Variants in TBXAS1 observed in about 807,000 individuals in gnomAD.
TBXAS1 encodes the protein thromboxane A synthase 1, also known as thromboxane-A synthase.
Under a neutral mutation model 60.7 loss-of-function variants are expected in TBXAS1, and 48 were observed. That is an observed-to-expected ratio of 0.79 (90% confidence interval 0.63 to 1.01). TBXAS1 has a LOEUF of 1.01. TBXAS1 is among the 50% of genes least tolerant of loss of function. The probability of loss-of-function intolerance (pLI) is 0.00; values close to 1 mark genes in which losing one functional copy is unlikely to be tolerated. For missense variants in TBXAS1, 685 were observed against 686.3 expected (o/e 1.00, Z 0.02); for synonymous variants, 287 against 269.7 (o/e 1.06, Z -0.63).
At position 139,999,078 on chromosome 7, in the gene TBXAS1, T is replaced by C. The variant is rs562077426; in HGVS notation, c.1135-8013T>C. On this transcript the variant is annotated intron_variant, in intron 9 of 12. Transcript: ENST00000448866. This position sits in a 1 kb window ranked among gnomAD's most constrained non-coding sequence, Gnocchi z 4.3. Reference sequence around the variant, plus strand: ...GAAGCCAGCAATGTGGATGGAAAGATTTATCACCCCCTCTCATAACCAAAC... The same window carrying C: ...GAAGCCAGCAATGTGGATGGAAAGACTTATCACCCCCTCTCATAACCAAAC... Among the ~76,000 whole-genome samples, 35 of 152,338 alleles carry C rather than the reference T, an allele frequency of 2.3e-4. No individual in the cohort carries two copies. The highest frequency in any genetic ancestry group is 2.0e-3 in the Admixed American group (31 of 15,304).
intron 4 of TBXAS1, among the ~76,000 whole-genome samples, chr7:139,918,864 G>T (rs1806209711): frequency 6.6e-6 from 1 of 152,180 alleles, no homozygotes; most frequent in Non-Finnish European, 1.5e-5. Flanking sequence ...CACAGAGAGA[G>T]CGAAGATGAT....
At chr7:139,939,398 A>G (rs1808089847) in intron 5 of TBXAS1, among the ~76,000 whole-genome samples, 1 of 149,720 alleles carries the variant, frequency 6.7e-6, no homozygotes, top group South Asian at 2.1e-4. Context: ...AAAAAAAGCC[A>G]AGAGGTAGAG....
At chr7:139,816,711 T>C (rs1437823148) in intron 4 of TBXAS1, among the ~76,000 whole-genome samples, 1 of 152,238 alleles carries the variant, frequency 6.6e-6, no homozygotes, top group Non-Finnish European at 1.5e-5. Flanking sequence ...TAACGAGTTC[T>C]GCAGGTGATT....
chr7:139,822,265 T>TTCTC (rs138999510), intron 4 of TBXAS1, among the ~76,000 whole-genome samples: 23 of 150,300 alleles, frequency 1.5e-4, no homozygotes, highest in Middle Eastern at 3.4e-3. Context: ...CTTATACTCT[T>TTCTC]TCTCTCTCTC....
chr7:139,865,473 C>A (rs901077427), intron 1 of TBXAS1, among the ~76,000 whole-genome samples: 4 of 151,996 alleles, frequency 2.6e-5, no homozygotes, highest in Non-Finnish European at 5.9e-5. Context: ...CTTGCAGTAC[C>A]TATCAATGAC....
At position 139,845,756 on chromosome 7, in the gene TBXAS1, G is replaced by A. The variant is rs151298328; in HGVS notation, c.89+16277G>A. Among the ~76,000 whole-genome samples the A allele has an allele frequency of 2.5e-3, 381 of 151,908 alleles. 5 individuals are homozygous for A. Among genetic ancestry groups the A allele is most frequent in the African/African-American group, 8.6e-3 (357 of 41,410 alleles). On this transcript the variant is annotated intron_variant, in intron 1 of 12. Transcript: ENST00000448866. ...AGAGAATTTCCATTAATTTCTGGCC[G>A]TGTGCCACTGCAACCAGCTTTCACC...
chr7:139,908,510 G>C (rs2117036758), intron 3 of TBXAS1, among the ~76,000 whole-genome samples: 1 of 152,104 alleles, frequency 6.6e-6, no homozygotes, highest in African/African-American at 2.4e-5. Context: ...CTTAGTTCTT[G>C]TGTAAATACA....
At chr7:139,790,305 T>C (rs1192973064) in intron 4 of TBXAS1, among the ~76,000 whole-genome samples, 1 of 152,250 alleles carries the variant, frequency 6.6e-6, no homozygotes, top group Non-Finnish European at 1.5e-5. Context: ...AAGCTGCTCT[T>C]CCTACTACGG....
intron 1 of TBXAS1, among the ~76,000 whole-genome samples, chr7:139,865,650 A>G (rs866849296): frequency 0.072 from 1,131 of 15,716 alleles, no homozygotes; most frequent in East Asian, 0.091. Flanking sequence ...AGGAGGAGGA[A>G]GAGGAGGAGG....
At chr7:139,950,353 T>G (rs571436820) in intron 5 of TBXAS1, among the ~76,000 whole-genome samples, 4 of 152,226 alleles carry the variant, frequency 2.6e-5, no homozygotes, top group Non-Finnish European at 5.9e-5. Context: ...GGGATTTTAA[T>G]GAGTGAGTAC....
chr7:139,913,310 G>T, intron 4 of TBXAS1: 1 of 595,126 alleles, frequency 1.7e-6, no homozygotes, highest in Non-Finnish European at 3.1e-6. Context: ...GCTGTAGCTT[G>T]TTGCTCCATC....
chr7:139,978,908 T>G (rs1378963956), intron 9 of TBXAS1, among the ~76,000 whole-genome samples: 1 of 152,106 alleles, frequency 6.6e-6, no homozygotes. Context: ...AGAGCTATGA[T>G]GGTGCCACTG....
chr7:139,871,157 A>G (rs1400978881), intron 1 of TBXAS1, among the ~76,000 whole-genome samples: 1 of 152,210 alleles, frequency 6.6e-6, no homozygotes, highest in Non-Finnish European at 1.5e-5. Context: ...GAGTATTTTT[A>G]TTTTAAGTAC....
At chr7:139,807,015 T>C (rs1288099578) in intron 4 of TBXAS1, among the ~76,000 whole-genome samples, 3 of 152,186 alleles carry the variant, frequency 2.0e-5, no homozygotes, top group African/African-American at 7.2e-5. Flanking sequence ...CCTTTTCTCA[T>C]TGAATGTGCC....
At chr7:139,932,508 T>C (rs1807416028) in intron 4 of TBXAS1, among the ~76,000 whole-genome samples, 1 of 151,932 alleles carries the variant, frequency 6.6e-6, no homozygotes, top group South Asian at 2.1e-4. Context: ...TAGCTTCCTC[T>C]ATTAAACCCA....
rs1370546944 is a variant in TBXAS1 at position 139,843,428 on chromosome 7, C to T, written c.89+13949C>T. Among the ~76,000 whole-genome samples the T allele has an allele frequency of 5.9e-5, 9 of 152,004 alleles. No individual in the cohort carries two copies. The South Asian group carries it at 1.0e-3, about 18-fold the overall frequency. On this transcript the variant is annotated intron_variant, in intron 1 of 12. Transcript: ENST00000448866. Reference sequence around the variant, plus strand: ...CATAGTCTCAGCTCACTGCAACCTCCGCCTCCCGGGTTCAAGTGATTCTCC... The same window carrying T: ...CATAGTCTCAGCTCACTGCAACCTCTGCCTCCCGGGTTCAAGTGATTCTCC...
chr7:140,015,963 G>A (rs1412832334), intron 11 of TBXAS1, 103 bp downstream of exon 11: 1 of 1,518,782 alleles, frequency 6.6e-7, no homozygotes. Context: ...TAGCAAAATT[G>A]TCCCCAAATA....
intron 1 of TBXAS1, among the ~76,000 whole-genome samples, chr7:139,866,762 G>C (rs1235199203): frequency 6.6e-6 from 1 of 151,380 alleles, no homozygotes; most frequent in Non-Finnish European, 1.5e-5. Context: ...CTAAAAAAAA[G>C]AAAAAGAAGA....
chr7:139,786,508 T>A (rs1383574363), intron 3 of TBXAS1, among the ~76,000 whole-genome samples: 1 of 152,184 alleles, frequency 6.6e-6, no homozygotes, highest in Non-Finnish European at 1.5e-5. Flanking sequence ...ACTTCAAGGC[T>A]TAATTTTATT....
Sources: allele counts gnomAD v4.1 joint callset (sites outside exome capture counted in the v4.1 genomes callset), GRCh38; gene constraint gnomAD v4.1.1; non-coding constraint Gnocchi (gnomAD v3.1); transcripts MANE v1.5; gene names NCBI Gene and HGNC (gene_info 2026-07-23, HGNC 2026-07-21).